The following PDIA6 variants were observed in gnomAD, a reference collection of about 807,000 sequenced individuals.
PDIA6 encodes the protein protein disulfide isomerase family A member 6.
A neutral mutation model predicts 58.4 loss-of-function variants in PDIA6; 29 were observed. That is an observed-to-expected ratio of 0.50 (90% CI 0.37 to 0.68). The LOEUF (loss-of-function observed/expected upper bound fraction) is 0.68, where lower values mean the gene tolerates loss of function less well. Among genes scored for constraint, PDIA6 ranks in the 30% least tolerant of loss-of-function variants. The pLI is 0.00. For synonymous variants in PDIA6, 192 were observed against 202.6 expected (o/e 0.95, Z 0.44); for missense variants, 480 against 551.0 (o/e 0.87, Z 1.29).
chr2:10,800,472 GTAC>G (rs1265223766), intron 2 of PDIA6, among the ~76,000 whole-genome samples: 9 of 151,776 alleles, frequency 5.9e-5, no homozygotes, highest in African/African-American at 1.9e-4. Flanking sequence ...TTCTTGTAAA[GTAC>G]TACATTAACA....
At chr2:10,825,869 C>T (rs142480339) in intron 1 of PDIA6, among the ~76,000 whole-genome samples, 6 of 152,256 alleles carry the variant, frequency 3.9e-5, no homozygotes, top group East Asian at 1.9e-4. Context: ...CCTCCAACAC[C>T]GGCTTTTGGG....
At chr2:10,804,115 A>G (rs866422092) in intron 1 of PDIA6, among the ~76,000 whole-genome samples, 2 of 151,574 alleles carry the variant, frequency 1.3e-5, no homozygotes, top group Non-Finnish European at 2.9e-5. Flanking sequence ...TCACTGTGTT[A>G]GCCAGGATGG....
upstream of PDIA6, among the ~76,000 whole-genome samples, chr2:10,813,696 C>G (rs900821671): frequency 6.6e-6 from 1 of 151,474 alleles, no homozygotes; most frequent in African/African-American, 2.4e-5. Context: ...AGTGCAAAGG[C>G]GGGGTCTTGG....
In PDIA6 at chr2:10,788,966, T is replaced by C. The variant is rs755506919; in HGVS notation, c.856A>G (p.Ile286Val). ...PELLEIINED[I>V]AKRTCEEHQL... Reference sequence around the variant, plus strand: ...TGCTCCTCACACGTCCTCTTGGCAATGTCCTCGTTGATAATCTGTGGGACC... The same window carrying C: ...TGCTCCTCACACGTCCTCTTGGCAACGTCCTCGTTGATAATCTGTGGGACC... Residue 286 changes from isoleucine to valine, a missense_variant, in exon 9 of 13, where the codon ATT (isoleucine) becomes GTT (valine). Coordinates refer to ENST00000272227, the MANE Select transcript of PDIA6 (RefSeq NM_005742.4). The C allele has an allele frequency of 1.6e-5, 26 of 1,613,978 alleles. No homozygotes were observed. The East Asian group carries it at 5.8e-4, about 36-fold the overall frequency.
At chr2:10,836,811 C>T (rs185121783), upstream of PDIA6, among the ~76,000 whole-genome samples, 296 of 152,140 alleles carry the variant, frequency 1.9e-3, 2 homozygotes, top group African/African-American at 6.7e-3. Flanking sequence ...AAATAGATGG[C>T]TTACTTCATG....
chr2:10,826,390 G>A (rs111463837), intron 1 of PDIA6, among the ~76,000 whole-genome samples: 18,432 of 151,830 alleles, frequency 0.12, 1,447 homozygotes, highest in Non-Finnish European at 0.17. Flanking sequence ...ATGGAGTCTC[G>A]CTCTTGTTGC....
rs200953094 is a variant in PDIA6, at chr2:10,791,961, C to T, written c.454-36G>A. On this transcript the variant is annotated intron_variant, in intron 5 of 12. Coordinates refer to ENST00000272227, the MANE Select transcript of PDIA6 (RefSeq NM_005742.4). ...TGACATTAAACATCAAACAATTGGG[C>T]CAAGAAGAACACTTTTCCTGTTTTA... 2.9e-4 allele frequency: 470 copies of T among 1,597,834 alleles called. 2 individuals carry two copies. The African/African-American group carries it at 4.7e-3, about 16-fold the overall frequency.
chr2:10,803,633 TTACA>T (rs1378312333), intron 1 of PDIA6, among the ~76,000 whole-genome samples: 1 of 151,696 alleles, frequency 6.6e-6, no homozygotes, highest in African/African-American at 2.4e-5. Flanking sequence ...CTCTGGAAAC[TTACA>T]TGCAATTTAC....
At chr2:10,813,010 G>A (rs1340700462), upstream of PDIA6, among the ~76,000 whole-genome samples, 1 of 152,066 alleles carries the variant, frequency 6.6e-6, no homozygotes, top group Non-Finnish European at 1.5e-5. Flanking sequence ...GTCTCGGCTC[G>A]CACCGCCTCA....
At chr2:10,792,322 A>G (rs1666073333) in intron 5 of PDIA6, among the ~76,000 whole-genome samples, 1 of 152,244 alleles carries the variant, frequency 6.6e-6, no homozygotes, top group South Asian at 2.1e-4. Flanking sequence ...ACCAGTCAAC[A>G]GAGCTAAAAA....
upstream of PDIA6, among the ~76,000 whole-genome samples, chr2:10,816,864 C>A (rs1244080781): frequency 6.6e-6 from 1 of 152,136 alleles, no homozygotes; most frequent in Non-Finnish European, 1.5e-5. Flanking sequence ...GGAGAGATGT[C>A]ATGTGGCCTG....
chr2:10,796,561 G>A (rs973207706), intron 4 of PDIA6, among the ~76,000 whole-genome samples: 1 of 151,784 alleles, frequency 6.6e-6, no homozygotes, highest in Non-Finnish European at 1.5e-5. Flanking sequence ...ATTTAGTCTT[G>A]GGAGGGTGAA....
At chr2:10,806,725 G>A (rs1236679770) in intron 1 of PDIA6, among the ~76,000 whole-genome samples, 2 of 151,880 alleles carry the variant, frequency 1.3e-5, no homozygotes, top group Middle Eastern at 3.2e-3. Flanking sequence ...CATGCAAGCT[G>A]CATTCACGGT....
intron 4 of PDIA6, among the ~76,000 whole-genome samples, chr2:10,795,441 T>G (rs1251079373): frequency 1.3e-5 from 2 of 152,068 alleles, no homozygotes; most frequent in Non-Finnish European, 2.9e-5. Flanking sequence ...ACTTTGGAGC[T>G]GGGGAGCCTA....
At chr2:10,784,474 A>AT (rs1665603064) in intron 12 of PDIA6, 148 bp from the exon 13 acceptor site, 3 of 586,200 alleles carry the variant, frequency 5.1e-6, no homozygotes, top group Non-Finnish European at 5.9e-6. Flanking sequence ...TGACCTTCGT[A>AT]CCTATGATTA....
chr2:10,791,498 C>T (rs1666034887), intron 6 of PDIA6, among the ~76,000 whole-genome samples: 1 of 152,170 alleles, frequency 6.6e-6, no homozygotes, highest in Non-Finnish European at 1.5e-5. Context: ...TTATGTCACA[C>T]CTAGAAAACA....
intron 1 of PDIA6, among the ~76,000 whole-genome samples, chr2:10,809,377 G>C (rs530358495): frequency 6.6e-6 from 1 of 152,208 alleles, no homozygotes; most frequent in East Asian, 1.9e-4. Context: ...CTCTGAATAA[G>C]CTTGAAAGTA....
upstream of PDIA6, chr2:10,812,814 G>T: frequency 1.7e-6 from 2 of 1,188,832 alleles, no homozygotes; most frequent in Non-Finnish European, 2.1e-6. Context: ...GGTCCGAGGG[G>T]CGGCCGCGCG....
At chr2:10,814,421 C>A (rs1667128422), upstream of PDIA6, among the ~76,000 whole-genome samples, 1 of 152,182 alleles carries the variant, frequency 6.6e-6, no homozygotes, top group Non-Finnish European at 1.5e-5. Context: ...CGTGGGAAGC[C>A]CAACCGGTGA....
Sources: gnomAD v4.1 joint callset for allele counts (sites outside exome capture counted in the v4.1 genomes callset) on GRCh38, gnomAD v4.1.1 for gene constraint, MANE v1.5 for transcripts, NCBI Gene and HGNC (gene_info 2026-07-23, HGNC 2026-07-21) for gene names.